The following AGBL4 variants were observed in gnomAD, a reference collection of about 807,000 sequenced individuals.
AGBL4 encodes AGBL carboxypeptidase 4, also known as cytosolic carboxypeptidase 6.
In AGBL4, 58 loss-of-function variants were observed where a neutral mutation model predicts 66.4. The ratio of observed to expected loss-of-function variants is 0.87; its 90% CI spans 0.71 to 1.09. The LOEUF (loss-of-function observed/expected upper bound fraction) is 1.09, where lower values mean the gene tolerates loss of function less well. Among genes scored for constraint, AGBL4 ranks in the 50% least tolerant of loss-of-function variants. The probability of loss-of-function intolerance (pLI) is 0.00; values close to 1 mark genes in which losing one functional copy is unlikely to be tolerated. For missense variants in AGBL4, 579 were observed against 631.0 expected, an observed-to-expected ratio of 0.92 and a Z score of 0.88; for synonymous variants, 234 against 222.9, an observed-to-expected ratio of 1.05 and a Z score of -0.44.
intron 3 of AGBL4, among the ~76,000 whole-genome samples, chr1:49,331,420 G>A (rs920339435): frequency 1.3e-5 from 2 of 152,142 alleles, no homozygotes; most frequent in South Asian, 2.1e-4. Context: ...GGGACAAGCC[G>A]CCATCTTTTC....
intron 3 of AGBL4, among the ~76,000 whole-genome samples, chr1:49,302,960 C>T (rs1397973164): frequency 6.6e-6 from 1 of 151,978 alleles, no homozygotes; most frequent in African/African-American, 2.4e-5. Flanking sequence ...TAATGGTTTC[C>T]AGTTCCATCC....
At chr1:48,671,901 G>A (rs912870125) in intron 6 of AGBL4, among the ~76,000 whole-genome samples, 4 of 152,172 alleles carry the variant, frequency 2.6e-5, no homozygotes, top group African/African-American at 4.8e-5. Flanking sequence ...CCCAATGTGC[G>A]CTCTGCTTTT....
At chr1:48,538,516 G>A (rs777739586) in intron 12 of AGBL4, among the ~76,000 whole-genome samples, 5 of 152,098 alleles carry the variant, frequency 3.3e-5, no homozygotes, top group Non-Finnish European at 4.4e-5. Flanking sequence ...TTCTACTTGC[G>A]GTGAACCTTA....
intron 3 of AGBL4, among the ~76,000 whole-genome samples, chr1:49,631,682 G>A (rs1645571935): frequency 6.6e-6 from 1 of 152,198 alleles, no homozygotes; most frequent in South Asian, 2.1e-4. Context: ...TGGGAGAAAT[G>A]CCTGTGAAAG....
chr1:48,804,035 T>A (rs1645866123), intron 6 of AGBL4, among the ~76,000 whole-genome samples: 1 of 152,212 alleles, frequency 6.6e-6, no homozygotes. Flanking sequence ...AACAAGATTT[T>A]AAAAAATCCC....
At chr1:50,020,813 C>T (rs1050096927) in intron 1 of AGBL4, among the ~76,000 whole-genome samples, 2 of 152,100 alleles carry the variant, frequency 1.3e-5, no homozygotes, top group Admixed American at 1.3e-4. Flanking sequence ...TAGTACAATG[C>T]GTGGTACAAA....
chr1:49,897,642 C>T (rs1362448571), intron 1 of AGBL4, among the ~76,000 whole-genome samples: 1 of 151,816 alleles, frequency 6.6e-6, no homozygotes, highest in Non-Finnish European at 1.5e-5. Flanking sequence ...CTCAGAAGAC[C>T]CAAAGCTATC....
chr1:49,424,835 G>C (rs1444400510), intron 3 of AGBL4, among the ~76,000 whole-genome samples: 1 of 152,156 alleles, frequency 6.6e-6, no homozygotes, highest in African/African-American at 2.4e-5. Context: ...ACAGAGTCAG[G>C]GGAATGAATG....
intron 3 of AGBL4, among the ~76,000 whole-genome samples, chr1:49,288,459 C>T (rs1372464717): frequency 6.6e-6 from 1 of 151,762 alleles, no homozygotes; most frequent in Non-Finnish European, 1.5e-5. Flanking sequence ...CTAAGCTTGG[C>T]AAAATAGGGA....
At chr1:48,959,908 GTTGT>G (rs1217697843) in intron 5 of AGBL4, among the ~76,000 whole-genome samples, 2 of 152,190 alleles carry the variant, frequency 1.3e-5, no homozygotes, top group African/African-American at 4.8e-5. Context: ...AGACTTTCAT[GTTGT>G]TTGTTTGTTT....
At chr1:49,309,430 A>T (rs1427646304) in intron 3 of AGBL4, among the ~76,000 whole-genome samples, 1 of 152,066 alleles carries the variant, frequency 6.6e-6, no homozygotes, top group South Asian at 2.1e-4. Flanking sequence ...TAAGTGCCAT[A>T]ATATAATTAT....
chr1:48,942,279 C>G (rs1426129480), intron 5 of AGBL4, among the ~76,000 whole-genome samples: 1 of 149,754 alleles, frequency 6.7e-6, no homozygotes, highest in African/African-American at 2.5e-5. Context: ...CTCCAATCGT[C>G]TACTTAGAGC....
intron 4 of AGBL4, among the ~76,000 whole-genome samples, chr1:49,103,290 A>G (rs537863187): frequency 1.3e-5 from 2 of 152,188 alleles, no homozygotes; most frequent in African/African-American, 2.4e-5. Context: ...GACTCTCAAG[A>G]TGATGCAAGC....
chr1:49,473,214 C>T (rs906260618), intron 3 of AGBL4, among the ~76,000 whole-genome samples: 1 of 152,042 alleles, frequency 6.6e-6, no homozygotes, highest in African/African-American at 2.4e-5. Flanking sequence ...TTTAAGAAAT[C>T]TCCAAACTGC....
intron 5 of AGBL4, among the ~76,000 whole-genome samples, chr1:48,906,191 A>G (rs1173798529): frequency 6.6e-6 from 1 of 152,194 alleles, no homozygotes; most frequent in Non-Finnish European, 1.5e-5. Context: ...AACCATGAAG[A>G]TAAGAGGTAT....
intron 9 of AGBL4, among the ~76,000 whole-genome samples, chr1:48,630,108 G>A (rs920481689): frequency 6.6e-6 from 1 of 152,160 alleles, no homozygotes; most frequent in African/African-American, 2.4e-5. Flanking sequence ...TCCACAGGCA[G>A]CTATCATGAG....
chr1:49,428,486 T>C (rs1186114711), intron 3 of AGBL4, among the ~76,000 whole-genome samples: 1 of 152,142 alleles, frequency 6.6e-6, no homozygotes, highest in Admixed American at 6.5e-5. Context: ...ACCTGATGTT[T>C]TGGATTGGTT....
At chr1:49,897,372 T>G (rs529911169) in intron 1 of AGBL4, among the ~76,000 whole-genome samples, 42 of 151,878 alleles carry the variant, frequency 2.8e-4, no homozygotes, top group Middle Eastern at 6.8e-3. Flanking sequence ...CAAATAAAAT[T>G]ATATACGTCA....
At chr1:48,812,474 T>G (rs1646073737) in intron 6 of AGBL4, among the ~76,000 whole-genome samples, 1 of 152,178 alleles carries the variant, frequency 6.6e-6, no homozygotes, top group African/African-American at 2.4e-5. Context: ...CTTAATTTAT[T>G]TATTCATCAA....
Sources: gnomAD v4.1 joint callset for allele counts (sites outside exome capture counted in the v4.1 genomes callset) on GRCh38, gnomAD v4.1.1 for gene constraint, MANE v1.5 for transcripts, NCBI Gene and HGNC (gene_info 2026-07-23, HGNC 2026-07-21) for gene names.